Variants in JMJD6 observed in about 807,000 individuals in gnomAD.
The protein encoded by JMJD6 is bifunctional arginine demethylase and lysyl-hydroxylase JMJD6.
In JMJD6, 17 loss-of-function variants were observed where a neutral mutation model predicts 45.8. The ratio of observed to expected loss-of-function variants is 0.37; its 90% CI spans 0.25 to 0.56. The LOEUF is 0.56. Ranked by LOEUF, JMJD6 falls within the 20% of genes least tolerant of loss-of-function variation. The probability of loss-of-function intolerance (pLI) is 0.79; values close to 1 mark genes in which losing one functional copy is unlikely to be tolerated. For missense variants in JMJD6, 470 were observed against 517.5 expected (o/e 0.91, Z 0.89); for synonymous variants, 221 against 196.3 (o/e 1.13, Z -1.05).
At chr17:76,714,807 T>C (rs911779528), downstream of JMJD6, 2 of 152,212 alleles carry the variant, frequency 1.3e-5, no homozygotes, top group Non-Finnish European at 2.9e-5. Context: ...GGCTAATCTT[T>C]ATTTTCTAGA....
At chr17:76,718,322 A>C (rs2076782779), downstream of JMJD6, 1 of 559,014 alleles carries the variant, frequency 1.8e-6, no homozygotes, top group East Asian at 5.0e-5. Context: ...GGCTCTCCCT[A>C]CGCTGCTGGG....
intron 1 of JMJD6, 90 bp from the exon 2 acceptor site, chr17:76,725,945 C>G: frequency 7.0e-7 from 1 of 1,437,696 alleles, no homozygotes; most frequent in Non-Finnish European, 9.2e-7. Context: ...CTGGTAATGA[C>G]AAACCGAAGG....
Position 76,720,360 on chromosome 17 carries a change from C to T in JMJD6, c.1080G>A (p.Glu360=), listed in dbSNP as rs1319490342. Residue 360 remains glutamate, a splice_region_variant and synonymous_variant, in exon 5 of 6, where the codon GAG becomes GAA. Transcript: ENST00000397625. ...SSSSSSDSDS[E]CESGSEGDGT... ...AGTCAGCCAGAGAGCAAGGCCTCAC[C>T]TCTGAGTCGGAGTCTGACGAACTGG... is the stretch of plus-strand genomic sequence containing the variant. 1.2e-6 allele frequency: 2 copies of T among 1,614,056 alleles called. No individual in the cohort carries two copies. The highest frequency in any genetic ancestry group is 1.1e-5 in the South Asian group (1 of 91,080).
At chr17:76,725,929 G>A (rs1319419637) in intron 1 of JMJD6, 74 bp from the exon 2 acceptor site, 14 of 1,485,556 alleles carry the variant, frequency 9.4e-6, no homozygotes, top group Admixed American at 2.4e-5. Context: ...GTGTCCCCAA[G>A]GCCAACTGGT....
downstream of JMJD6, among the ~76,000 whole-genome samples, chr17:76,717,972 C>A (rs2076778673): frequency 6.7e-6 from 1 of 148,902 alleles, no homozygotes; most frequent in South Asian, 2.1e-4. Context: ...GCCTGGACAA[C>A]AGAGCGAGAC....
At chr17:76,719,610 A>T (rs1388702001) in intron 5 of JMJD6, among the ~76,000 whole-genome samples, 1 of 152,160 alleles carries the variant, frequency 6.6e-6, no homozygotes, top group Non-Finnish European at 1.5e-5. Context: ...TTCATCTGTT[A>T]AAGGTGCAGG....
intron 4 of JMJD6, among the ~76,000 whole-genome samples, chr17:76,721,054 C>T (rs2143726668): frequency 6.6e-6 from 1 of 152,318 alleles, no homozygotes; most frequent in Non-Finnish European, 1.5e-5. Context: ...CCTTCAGAAA[C>T]CTTATCTGGC....
Position 76,726,384 on chromosome 17 carries a change from T to C in JMJD6, c.92A>G (p.Tyr31Cys), listed in dbSNP as rs1403268273. The change falls in exon 1 of 6, where the codon TAC becomes TGC. Residue 31 changes from tyrosine (Y) to cysteine (C), a missense_variant. Coordinates refer to ENST00000397625, the MANE Select transcript of JMJD6 (RefSeq NM_015167.3). ...CGGGCTCAGCGAGAAGCTCTCGTAG[T>C]AGTTGTGCCGGGTCCAATCCAGCGA... ...KDSLDWTRHNYYESFSLSPAA... is the reference protein window; with the variant it reads ...KDSLDWTRHNCYESFSLSPAA... The C allele has an allele frequency of 2.5e-6, 4 of 1,602,982 alleles. No homozygotes were observed. The highest frequency in any genetic ancestry group is 2.3e-5 in the East Asian group (1 of 43,162).
chr17:76,725,360 C>T (rs886204376), intron 2 of JMJD6, 107 bp downstream of exon 2: 8 of 1,081,414 alleles, frequency 7.4e-6, no homozygotes, highest in African/African-American at 6.7e-5. Context: ...GAGCCGAGAT[C>T]GCACCACGGC....
In JMJD6 at chr17:76,724,010, G is replaced by A. The variant is rs35609518; in HGVS notation, c.567C>T (p.Asp189=). The change falls in exon 3 of 6, where the codon GAC becomes GAT. Residue 189 remains aspartate (D), a synonymous_variant. Coordinates refer to ENST00000397625, the MANE Select transcript of JMJD6 (RefSeq NM_015167.3). ...PPRSGTGIHI[D]PLGTSAWNAL... ...CATTCCAGGCACTGGTTCCCAGAGG[G>A]TCGATGTGAATCCCAGTTCCGGAGC... 11 of 1,614,028 alleles carry A rather than the reference G, an allele frequency of 6.8e-6. No individual in the cohort carries two copies. In the African/African-American group the frequency reaches 1.2e-4, roughly 18 times the overall value.
At chr17:76,724,486 A>C (rs1251099006) in intron 2 of JMJD6, among the ~76,000 whole-genome samples, 1 of 152,168 alleles carries the variant, frequency 6.6e-6, no homozygotes, top group Non-Finnish European at 1.5e-5. Flanking sequence ...GTACACAGAA[A>C]CACTGGGTGC....
At chr17:76,726,227 G>T in intron 1 of JMJD6, 120 bp downstream of exon 1, 1 of 1,314,492 alleles carries the variant, frequency 7.6e-7, no homozygotes, top group Non-Finnish European at 1.0e-6. Context: ...CGCGGGGTGC[G>T]GGTGAGCCTC....
At chr17:76,715,495 CAG>C (rs2076757611), downstream of JMJD6, 1 of 152,238 alleles carries the variant, frequency 6.6e-6, no homozygotes, top group Non-Finnish European at 1.5e-5. Context: ...CTGTTAATAA[CAG>C]TGAGCAGAGA....
chr17:76,718,899 A>C (rs756057265), intron 5 of JMJD6, 39 bp from the exon 6 acceptor site: 2 of 1,597,916 alleles, frequency 1.3e-6, no homozygotes, highest in Admixed American at 1.7e-5. Flanking sequence ...GTCAACCTGG[A>C]TGCAACCCAC....
chr17:76,720,605 G>C, intron 4 of JMJD6, 107 bp from the exon 5 acceptor site: 1 of 1,096,748 alleles, frequency 9.1e-7, no homozygotes. Flanking sequence ...GGGAATGCCA[G>C]GTGTGTCCGT....
chr17:76,724,116 A>G lies in JMJD6; in HGVS notation c.519-58T>C, dbSNP rs2079416621. 9.0e-6 allele frequency: 14 copies of G among 1,564,196 alleles called. No individual in the cohort carries two copies. In the Admixed American group the frequency reaches 2.5e-4, roughly 28 times the overall value. ...TAATTTACTTACACACATACCACAC[A>G]AAACAATAAGTTTTTAGTTTTTCTT... On this transcript the variant is annotated intron_variant, in intron 2 of 5. Coordinates refer to ENST00000397625, the MANE Select transcript of JMJD6 (RefSeq NM_015167.3).
At chr17:76,725,406 C>CAAAAAAAAAAAAAAAAAAAA (rs36106744) in intron 2 of JMJD6, 61 bp downstream of exon 2, 1 of 829,984 alleles carries the variant, frequency 1.2e-6, no homozygotes. Flanking sequence ...CGCTCTGTCT[C>CAAAAAAAAAAAAAAAAAAAA]AAAAAAAAAA....
intron 4 of JMJD6, 142 bp from the exon 5 acceptor site, chr17:76,720,640 G>A: frequency 4.1e-6 from 3 of 736,244 alleles, no homozygotes; most frequent in Non-Finnish European, 6.7e-6. Flanking sequence ...GTACAATGGT[G>A]AGGACAAAAC....
At chr17:76,724,984 G>C (rs1057028669) in intron 2 of JMJD6, among the ~76,000 whole-genome samples, 2 of 152,154 alleles carry the variant, frequency 1.3e-5, no homozygotes, top group African/African-American at 4.8e-5. Flanking sequence ...AATTAAATCA[G>C]TCTCCCCAGT....
Sources: allele counts gnomAD v4.1 joint callset (sites outside exome capture counted in the v4.1 genomes callset), GRCh38; gene constraint gnomAD v4.1.1; transcripts MANE v1.5; gene names NCBI Gene and HGNC (gene_info 2026-07-23, HGNC 2026-07-21).